The following UNC5C variants were observed in gnomAD, a reference collection of about 807,000 sequenced individuals.
The protein encoded by UNC5C is netrin receptor UNC5C.
UNC5C carries 47 observed loss-of-function variants against 99.8 expected under a neutral mutation model. The observed-to-expected ratio is 0.47, with a 90% CI of 0.37 to 0.60. The LOEUF (loss-of-function observed/expected upper bound fraction) is 0.60. UNC5C is among the 20% of genes least tolerant of loss of function. The probability of loss-of-function intolerance (pLI) is 0.00; values close to 1 mark genes in which losing one functional copy is unlikely to be tolerated. For synonymous variants in UNC5C, 487 were observed against 452.2 expected, an observed-to-expected ratio of 1.08 and a Z score of -0.98; for missense variants, 1,062 against 1,165.9, an observed-to-expected ratio of 0.91 and a Z score of 1.30.
intron 1 of UNC5C, among the ~76,000 whole-genome samples, chr4:95,362,988 C>T (rs1579358955): frequency 6.6e-6 from 1 of 151,622 alleles, no homozygotes; most frequent in South Asian, 2.1e-4. Context: ...CTCTAGGGGG[C>T]GCCGTTCATA....
chr4:95,185,974 A>C (rs554889685), intron 12 of UNC5C, among the ~76,000 whole-genome samples: 1 of 88,110 alleles, frequency 1.1e-5, no homozygotes, highest in African/African-American at 2.8e-5. Flanking sequence ...TATACTATAC[A>C]GATACAACAT....
chr4:95,397,657 TCA>T (rs1463432974), intron 1 of UNC5C, among the ~76,000 whole-genome samples: 1 of 152,194 alleles, frequency 6.6e-6, no homozygotes, highest in African/African-American at 2.4e-5. Flanking sequence ...TTTGTGTCAC[TCA>T]ATACATAGGA....
intron 1 of UNC5C, among the ~76,000 whole-genome samples, chr4:95,416,226 T>C (rs779366961): frequency 6.6e-6 from 1 of 152,146 alleles, no homozygotes; most frequent in African/African-American, 2.4e-5. Flanking sequence ...TCAGTATTAC[T>C]TTAGGGACTA....
chr4:95,225,142 C>T (rs1038428978), intron 7 of UNC5C, among the ~76,000 whole-genome samples: 2 of 152,238 alleles, frequency 1.3e-5, no homozygotes, highest in African/African-American at 4.8e-5. Context: ...CTGCAACCTC[C>T]GCCTCCCGGG....
At chr4:95,268,980 G>A (rs1740558211) in intron 4 of UNC5C, among the ~76,000 whole-genome samples, 1 of 152,220 alleles carries the variant, frequency 6.6e-6, no homozygotes, top group East Asian at 1.9e-4. Flanking sequence ...ACTCAGCCAA[G>A]CCAAGCTTCT....
In UNC5C at chr4:95,170,730, A is replaced by G. The variant is rs1736063704; in HGVS notation, c.2452-398T>C. 2.0e-5 allele frequency among the ~76,000 whole-genome samples: 3 copies of G among 152,346 alleles called. No individual in the cohort carries two copies. In the South Asian group the frequency reaches 6.2e-4, roughly 32 times the overall value. On this transcript the variant is annotated intron_variant, in intron 14 of 15. Transcript: ENST00000453304. The stretch of plus-strand genomic sequence containing the variant: ...TGTTCAAAAGGGCAGTGCTTTGGGA[A>G]TGAATAGATCTGAGATTCAAGGCTT...
chr4:95,368,680 G>A (rs1394111330), intron 1 of UNC5C, among the ~76,000 whole-genome samples: 2 of 152,098 alleles, frequency 1.3e-5, no homozygotes, highest in East Asian at 1.9e-4. Context: ...AACCAGCACT[G>A]TCCATTGCAA....
chr4:95,165,129 T>A lies in UNC5C; in HGVS notation c.*4105A>T, dbSNP rs960175258. On this transcript the variant is annotated 3_prime_UTR_variant, in exon 16 of 16. Coordinates refer to ENST00000453304, the MANE Select transcript of UNC5C (RefSeq NM_003728.4). ...GCTCTTTGCCAGGAGAAGTGAAAAG[T>A]CTTGATTCCACCCTCAAAACGTTGA... The A allele has an allele frequency of 6.6e-6, 1 of 152,102 alleles. No homozygotes were observed. The highest frequency in any genetic ancestry group is 2.4e-5 in the African/African-American group (1 of 41,406). 9.4% of individuals were successfully genotyped at this position (152,102 alleles called of 1,614,324 possible).
At chr4:95,327,541 T>C (rs1452806673) in intron 2 of UNC5C, among the ~76,000 whole-genome samples, 3 of 152,108 alleles carry the variant, frequency 2.0e-5, no homozygotes, top group Non-Finnish European at 4.4e-5. Flanking sequence ...TCTTTATACA[T>C]GGAAGCATAT....
chr4:95,379,541 C>T (rs1744998513), intron 1 of UNC5C, among the ~76,000 whole-genome samples: 1 of 152,144 alleles, frequency 6.6e-6, no homozygotes, highest in Non-Finnish European at 1.5e-5. Flanking sequence ...GCGGAGTATC[C>T]TGCTTTCTAA....
chr4:95,319,339 C>T (rs1007592969), intron 2 of UNC5C, among the ~76,000 whole-genome samples: 4 of 152,132 alleles, frequency 2.6e-5, no homozygotes, highest in African/African-American at 4.8e-5. Context: ...CCTAATAGTT[C>T]CTTGCGGCTC....
Position 95,183,148 on chromosome 4 carries a change from T to G in UNC5C, c.2287-87A>C, listed in dbSNP as rs1192174484. On this transcript the variant is annotated intron_variant, in intron 13 of 15. Coordinates refer to ENST00000453304, the MANE Select transcript of UNC5C (RefSeq NM_003728.4). ...GGTCTGCTGCCAGGTACTCTGAGTA[T>G]CACACCTGTGGCCTCATTTAATCCT... 5 of 1,342,362 alleles carry G rather than the reference T, an allele frequency of 3.7e-6. No individual in the cohort carries two copies. The Admixed American group carries it at 5.6e-5, about 15-fold the overall frequency. The allele number at this position is 1,342,362 out of a possible 1,614,324, so 83.2% of individuals were successfully genotyped here. A position where few individuals can be genotyped will look rare whatever the true frequency, so the allele number is the denominator to read the frequency against.
rs376026747 is a variant in UNC5C at position 95,178,374 on chromosome 4, T to C, written c.2451+4523A>G. The stretch of plus-strand genomic sequence containing the variant: ...GCGTCAGGCCTGGAGGTCTCCTCGG[T>C]GCCTCCCAGCTCTTCTGTGCTCCTC... On this transcript the variant is annotated intron_variant, in intron 14 of 15. Transcript: ENST00000453304. 3.9e-5 allele frequency among the ~76,000 whole-genome samples: 6 copies of C among 152,344 alleles called. No individual in the cohort carries two copies. In the East Asian group the frequency reaches 9.7e-4, roughly 25 times the overall value.
At chr4:95,454,882 T>G (rs1747385641) in intron 1 of UNC5C, among the ~76,000 whole-genome samples, 1 of 152,172 alleles carries the variant, frequency 6.6e-6, no homozygotes, top group African/African-American at 2.4e-5. Flanking sequence ...TGAACATTTC[T>G]AATTTAAATT....
chr4:95,387,195 G>A (rs1351771), intron 1 of UNC5C, among the ~76,000 whole-genome samples: 32,750 of 151,914 alleles, frequency 0.22, 4,209 homozygotes, highest in East Asian at 0.64. Flanking sequence ...CTGGAGTACA[G>A]TGGTGTGGTC....
intron 4 of UNC5C, among the ~76,000 whole-genome samples, chr4:95,271,236 T>A (rs10690013): frequency 0.15 from 7,660 of 52,796 alleles, 405 homozygotes; most frequent in African/African-American, 0.24. Flanking sequence ...TTATTTATTT[T>A]TTTTTTTTTG....
At chr4:95,286,823 C>G (rs2903005) in intron 3 of UNC5C, among the ~76,000 whole-genome samples, 100,002 of 151,966 alleles carry the variant, frequency 0.66, 33,874 homozygotes, top group African/African-American at 0.83. Flanking sequence ...GGCCACAGAC[C>G]CCAAATCTGA....
chr4:95,316,951 G>A lies in UNC5C; in HGVS notation c.347-15202C>T, dbSNP rs1165750059. 2.8e-5 allele frequency among the ~76,000 whole-genome samples: 4 copies of A among 144,378 alleles called. No homozygotes were observed. The Admixed American group carries it at 2.8e-4, about 10-fold the overall frequency. The allele number at this position is 144,378 out of a possible 152,430, so 94.7% of individuals were successfully genotyped here. ...ACAGAGAATGGCTGTAATTTCATATGTTCCTGATGGAAATCTCACTGCTCA... is the reference window on the plus strand; with the variant it reads ...ACAGAGAATGGCTGTAATTTCATATATTCCTGATGGAAATCTCACTGCTCA... On this transcript the variant is annotated intron_variant, in intron 2 of 15. Coordinates refer to ENST00000453304, the MANE Select transcript of UNC5C (RefSeq NM_003728.4).
At chr4:95,378,364 AG>A in intron 1 of UNC5C, among the ~76,000 whole-genome samples, 1 of 149,658 alleles carries the variant, frequency 6.7e-6, no homozygotes, top group East Asian at 2.0e-4. Flanking sequence ...ATCTCAAATC[AG>A]GCTAGGTTGA....
Sources: gnomAD v4.1 joint callset for allele counts (sites outside exome capture counted in the v4.1 genomes callset) on GRCh38, gnomAD v4.1.1 for gene constraint, MANE v1.5 for transcripts, NCBI Gene and HGNC (gene_info 2026-07-23, HGNC 2026-07-21) for gene names.